The following PLXDC1 variants were observed in gnomAD, a reference collection of about 807,000 sequenced individuals.
PLXDC1 encodes plexin domain-containing protein 1.
A neutral mutation model predicts 61.3 loss-of-function variants in PLXDC1; 39 were observed. The observed-to-expected ratio is 0.64, with a 90% confidence interval of 0.49 to 0.83. The LOEUF is 0.83. Ranked by LOEUF, PLXDC1 falls within the 40% of genes least tolerant of loss-of-function variation. The pLI is 0.00. For synonymous variants in PLXDC1, 212 were observed against 254.5 expected, an observed-to-expected ratio of 0.83 and a Z score of 1.59; for missense variants, 596 against 666.5, an observed-to-expected ratio of 0.89 and a Z score of 1.17.
intron 11 of PLXDC1, chr17:39,072,688 G>T: frequency 1.7e-6 from 1 of 601,790 alleles, no homozygotes; most frequent in East Asian, 2.9e-5. Context: ...GCGGGGACTG[G>T]TGAGAGATGA....
In PLXDC1 at chr17:39,072,468, G is replaced by T; in HGVS notation, c.1204C>A (p.Pro402Thr). 6.4e-7 allele frequency: 1 copy of T among 1,552,450 alleles called. No homozygotes were observed. Among genetic ancestry groups the T allele is most frequent in the African/African-American group, 1.4e-5 (1 of 73,872 alleles). ...TACTCACCGTCTCCTCCTGCATAGG[G>T]ATTCAACTTGGTGTCATCTTCAAAG... ...LTTEDDTKLN[P>T]YAGGDGLQNN... Residue 402 changes from proline to threonine, a missense_variant, in exon 12 of 14, where the codon CCC (proline) becomes ACC (threonine). Pro to Thr is a conservative substitution (Grantham distance 38, BLOSUM62 -1). Coordinates refer to ENST00000315392, the MANE Select transcript of PLXDC1 (RefSeq NM_020405.5).
chr17:39,150,251 A>G (rs1359808203), intron 1 of PLXDC1, among the ~76,000 whole-genome samples: 1 of 148,950 alleles, frequency 6.7e-6, no homozygotes, highest in African/African-American at 2.5e-5. Flanking sequence ...TTCCCCTCCC[A>G]CCCCCAACAT....
Position 39,083,967 on chromosome 17 carries a change from C to A in PLXDC1, c.908-427G>T, listed in dbSNP as rs1909655225. Among the ~76,000 whole-genome samples the A allele has an allele frequency of 2.0e-5, 3 of 152,290 alleles. No individual in the cohort carries two copies. In the South Asian group the frequency reaches 6.2e-4, roughly 32 times the overall value. ...AGAAGGTCAGGCCCTAAACTGGGTG[C>A]TGGGGATTCAGCAGTGAGACCTAGT... On this transcript the variant is annotated intron_variant, in intron 8 of 13. Transcript: ENST00000315392.
rs377493093 is a variant in PLXDC1, at chr17:39,100,534, C to A, written c.811+5320G>T. On this transcript the variant is annotated intron_variant, in intron 7 of 13. Transcript: ENST00000315392. ...CCTCCCAAAGAACTGAGATTATGGG[C>A]GTGAGCCACCGTGCCTGGCCGCTGG... Among the ~76,000 whole-genome samples the A allele has an allele frequency of 7.1e-4, 108 of 152,288 alleles. No individual in the cohort carries two copies. The East Asian group carries it at 0.02, about 28-fold the overall frequency.
At chr17:39,122,399 A>AAT (rs1480260227) in intron 2 of PLXDC1, among the ~76,000 whole-genome samples, 3 of 150,210 alleles carry the variant, frequency 2.0e-5, no homozygotes, top group Admixed American at 6.6e-5. Flanking sequence ...AAAAAAAAAA[A>AAT]AAAAAGACTG....
chr17:39,098,161 C>T (rs371145149), intron 7 of PLXDC1, among the ~76,000 whole-genome samples: 3 of 142,652 alleles, frequency 2.1e-5, no homozygotes, highest in Admixed American at 1.5e-4. Flanking sequence ...GCCGAGATTG[C>T]GCCATTGCAC....
chr17:39,151,387 C>T lies in PLXDC1; in HGVS notation c.51G>A (p.Arg17=), dbSNP rs1420290186. ...CTGCTCCGGGCTGGGGGCTCAGCGC[C>T]CGGGCAGCCTCCCTGAGCACCAGCA... is the stretch of plus-strand genomic sequence containing the variant. ...LLVLVLREAA[R]ALSPQPGAGH... The change falls in exon 1 of 14, where the codon CGG becomes CGA. Residue 17 remains arginine, a synonymous_variant. Coordinates refer to ENST00000315392, the MANE Select transcript of PLXDC1 (RefSeq NM_020405.5). The surrounding 1 kb of genome is among the most constrained non-coding windows in gnomAD (Gnocchi z 5.2). The T allele has an allele frequency of 3.9e-6, 5 of 1,294,556 alleles. No individual in the cohort carries two copies. In the South Asian group the frequency reaches 6.9e-5, roughly 18 times the overall value. 80.2% of individuals were successfully genotyped at this position (1,294,556 alleles called of 1,614,324 possible). A position where few individuals can be genotyped will look rare whatever the true frequency, so the allele number is the denominator to read the frequency against.
intron 10 of PLXDC1, among the ~76,000 whole-genome samples, chr17:39,078,485 G>A (rs1462377118): frequency 6.6e-6 from 1 of 152,250 alleles, no homozygotes; most frequent in Non-Finnish European, 1.5e-5. Context: ...AACTCACAGT[G>A]ACATGCTTGG....
chr17:39,145,246 G>C (rs531715003), intron 1 of PLXDC1, among the ~76,000 whole-genome samples: 116 of 152,344 alleles, frequency 7.6e-4, no homozygotes, highest in African/African-American at 2.7e-3. Flanking sequence ...GCTTCCCTGG[G>C]AGACTGTGTC....
chr17:39,133,207 G>A (rs992687839), intron 2 of PLXDC1, among the ~76,000 whole-genome samples: 5 of 152,152 alleles, frequency 3.3e-5, no homozygotes, highest in South Asian at 2.1e-4. Context: ...GGGAAAGGGC[G>A]TTTGCGGTCT....
At chr17:39,126,209 G>A (rs1392913570) in intron 2 of PLXDC1, among the ~76,000 whole-genome samples, 2 of 152,114 alleles carry the variant, frequency 1.3e-5, no homozygotes, top group East Asian at 3.9e-4. Flanking sequence ...AGCCAAGATC[G>A]CACCACTGCA....
rs1910639979 is a variant in PLXDC1, at chr17:39,107,563, C to T, written c.593-38G>A. The T allele has an allele frequency of 9.7e-6, 14 of 1,446,226 alleles. No homozygotes were observed. In the East Asian group the frequency reaches 2.9e-4, roughly 30 times the overall value. 89.6% of individuals were successfully genotyped at this position (1,446,226 alleles called of 1,614,324 possible). ...ACAGAGACCCGGCTGGACGGGAGAT[C>T]ATGCAAGGAGCAGGGCCCTACAGAA... On this transcript the variant is annotated intron_variant, in intron 5 of 13. Transcript: ENST00000315392.
rs1308744085 is a variant in PLXDC1 at position 39,069,883 on chromosome 17, T to A, written c.1356A>T (p.Thr452=). 3 of 1,613,846 alleles carry A rather than the reference T, an allele frequency of 1.9e-6. No individual in the cohort carries two copies. Among genetic ancestry groups the A allele is most frequent in the Admixed American group, 1.7e-5 (1 of 59,996 alleles). ...LAGIYINGHP[T]SNAALFFIER... ...CGATGAAGAAGAGCGCAGCATTGGATGTGGGGTGGCCATTGATGTAAATTC... is the reference window on the plus strand; with the variant it reads ...CGATGAAGAAGAGCGCAGCATTGGAAGTGGGGTGGCCATTGATGTAAATTC... The change falls in exon 13 of 14, where the codon ACA becomes ACT. Residue 452 remains threonine, a synonymous_variant. Coordinates refer to ENST00000315392, the MANE Select transcript of PLXDC1 (RefSeq NM_020405.5).
chr17:39,090,759 AG>A (rs1909919054), intron 7 of PLXDC1, among the ~76,000 whole-genome samples: 1 of 152,184 alleles, frequency 6.6e-6, no homozygotes, highest in South Asian at 2.1e-4. Flanking sequence ...CTGAGACTCT[AG>A]GGCATTTTCA....
intron 7 of PLXDC1, among the ~76,000 whole-genome samples, chr17:39,089,725 G>A (rs991163424): frequency 6.6e-6 from 1 of 152,128 alleles, no homozygotes; most frequent in East Asian, 1.9e-4. Context: ...GCCACTGCTG[G>A]GTGCCCCACC....
intron 7 of PLXDC1, among the ~76,000 whole-genome samples, chr17:39,101,397 A>G (rs1910414283): frequency 6.6e-6 from 1 of 152,200 alleles, no homozygotes; most frequent in Non-Finnish European, 1.5e-5. Context: ...ATGAGGAGCC[A>G]TGTGGTATGG....
chr17:39,089,704 G>A (rs1422751535), intron 7 of PLXDC1, among the ~76,000 whole-genome samples: 1 of 152,184 alleles, frequency 6.6e-6, no homozygotes, highest in Non-Finnish European at 1.5e-5. Context: ...ACAAAGGGGT[G>A]GGCGTCCCGT....
intron 1 of PLXDC1, among the ~76,000 whole-genome samples, chr17:39,142,602 G>A (rs557774081): frequency 4.6e-5 from 7 of 152,290 alleles, no homozygotes; most frequent in South Asian, 2.1e-4. Flanking sequence ...CTCACTGTAC[G>A]CTTGACCTCT....
chr17:39,095,445 A>G (rs1292801855), intron 7 of PLXDC1, among the ~76,000 whole-genome samples: 1 of 135,092 alleles, frequency 7.4e-6, no homozygotes, highest in African/African-American at 2.8e-5. Context: ...GCCCAAGACA[A>G]TGACTTCCAT....
Sources: gnomAD v4.1 joint callset for allele counts (sites outside exome capture counted in the v4.1 genomes callset) on GRCh38, gnomAD v4.1.1 for gene constraint, Gnocchi (gnomAD v3.1) non-coding constraint, MANE v1.5 for transcripts, NCBI Gene and HGNC (gene_info 2026-07-23, HGNC 2026-07-21) for gene names.